Variants in ZNF142 observed in about 807,000 individuals in gnomAD.
ZNF142 encodes the protein zinc finger protein 142 (clone pHZ-49).
A neutral mutation model predicts 132.1 loss-of-function variants in ZNF142; 96 were observed. The observed-to-expected ratio is 0.73, with a 90% CI of 0.62 to 0.86. The LOEUF is 0.86. Among genes scored for constraint, ZNF142 ranks in the 40% least tolerant of loss-of-function variants. The probability of loss-of-function intolerance (pLI) is 0.00; values close to 1 mark genes in which losing one functional copy is unlikely to be tolerated. For missense variants in ZNF142, 2,163 were observed against 2,336.2 expected (o/e 0.93, Z 1.53); for synonymous variants, 842 against 890.1 (o/e 0.95, Z 0.96).
At chr2:218,657,955 C>T (rs1938707705) in intron 3 of ZNF142, among the ~76,000 whole-genome samples, 1 of 152,180 alleles carries the variant, frequency 6.6e-6, no homozygotes, top group South Asian at 2.1e-4. Flanking sequence ...TCGAAGATTC[C>T]AGTGAAGAAC....
intron 10 of ZNF142, among the ~76,000 whole-genome samples, chr2:218,640,076 A>AG: frequency 6.7e-6 from 1 of 150,210 alleles, no homozygotes; most frequent in East Asian, 1.9e-4. Flanking sequence ...AAAAAAAAAA[A>AG]AAAAAAAAAA....
chr2:218,634,158 G>T lies in ZNF142; in HGVS notation c.*4181C>A, dbSNP rs369726189. On this transcript the variant is annotated 3_prime_UTR_variant, in exon 11 of 11. Transcript: ENST00000411696. The surrounding 1 kb of genome is among the most constrained non-coding windows in gnomAD (Gnocchi z 4.0). Reference sequence around the variant, plus strand: ...GCAGTTAAGCCGTGTGTATCCCAGCGGCCTGAGGACAGACTCTTCCAACTA... The same window carrying T: ...GCAGTTAAGCCGTGTGTATCCCAGCTGCCTGAGGACAGACTCTTCCAACTA... 77 of 1,612,682 alleles carry T rather than the reference G, an allele frequency of 4.8e-5. No individual in the cohort carries two copies. The Middle Eastern group carries it at 2.0e-3, about 41-fold the overall frequency.
chr2:218,649,153 G>GTGTC lies in ZNF142; in HGVS notation c.1351_1354dup (p.Thr452ArgfsTer10), dbSNP rs747673247. ...CTCACGGCAGACAGGACAGGCATAG[G>GTGTC]TGTCTGAGTAGAAGTTGGAAATATC... is the stretch of plus-strand genomic sequence containing the variant. On this transcript the variant is annotated frameshift_variant, in exon 7 of 11. Transcript: ENST00000411696. LOFTEE classifies it high-confidence loss of function. 6.2e-7 allele frequency: 1 copy of GTGTC among 1,614,210 alleles called. No homozygotes were observed. The highest frequency in any genetic ancestry group is 8.5e-7 in the Non-Finnish European group (1 of 1,180,038).
rs2106306819 is a variant in ZNF142 at position 218,659,221 on chromosome 2, CCA to C, written c.-361-93_-361-92del. The C allele has an allele frequency of 6.6e-6, 1 of 152,524 alleles. No homozygotes were observed. Among genetic ancestry groups the C allele is most frequent in the Non-Finnish European group, 1.5e-5 (1 of 68,198 alleles). 9.4% of individuals were successfully genotyped at this position (152,524 alleles called of 1,614,324 possible). A position where few individuals can be genotyped will look rare whatever the true frequency, so the allele number is the denominator to read the frequency against. On this transcript the variant is annotated intron_variant, in intron 1 of 10. Coordinates refer to ENST00000411696, the MANE Select transcript of ZNF142 (RefSeq NM_001379659.1). The surrounding 1 kb of genome is among the most constrained non-coding windows in gnomAD (Gnocchi z 4.4). ...CGTGACGCGACTGCAGCGCCGGGGC[CCA>C]GCTCGTCTGGGTGCTCCCTTCAGTA...
intron 3 of ZNF142, 74 bp from the exon 4 acceptor site, chr2:218,656,537 A>G (rs1938522515): frequency 1.7e-6 from 2 of 1,156,988 alleles, no homozygotes; most frequent in African/African-American, 3.1e-5. Context: ...GTGGGTACAC[A>G]GCCCAGTGCC....
chr2:218,633,692 G>A lies in ZNF142; in HGVS notation c.*4647C>T. On this transcript the variant is annotated 3_prime_UTR_variant, in exon 11 of 11. Coordinates refer to ENST00000411696, the MANE Select transcript of ZNF142 (RefSeq NM_001379659.1). ...ATTCCGCAGCTTCACACATTCAAAG[G>A]AGCACTACCACTTCTACGAGATATC... 6.2e-7 allele frequency: 1 copy of A among 1,613,834 alleles called. No individual in the cohort carries two copies. Among genetic ancestry groups the A allele is most frequent in the Non-Finnish European group, 8.5e-7 (1 of 1,179,822 alleles).
At position 218,633,399 on chromosome 2, in the gene ZNF142, C is replaced by A. The variant is rs186247112; in HGVS notation, c.*4940G>T. The stretch of plus-strand genomic sequence containing the variant: ...TCCCACCCCCAGGTTGTGACGTGCC[C>A]GCTGTTTTGTCCGTCTATCTGTTGT... On this transcript the variant is annotated 3_prime_UTR_variant, in exon 11 of 11. Transcript: ENST00000411696. 1.4e-6 allele frequency: 1 copy of A among 716,876 alleles called. No homozygotes were observed. Among genetic ancestry groups the A allele is most frequent in the Non-Finnish European group, 2.5e-6 (1 of 397,052 alleles). The allele number at this position is 716,876 out of a possible 1,614,324, so 44.4% of individuals were successfully genotyped here.
Position 218,643,331 on chromosome 2 carries a change from G to A in ZNF142, c.3785C>T (p.Pro1262Leu). Reference protein sequence around the residue: ...GRGGGGKRGTPQTQPDVSPLS... With the variant: ...GRGGGGKRGTLQTQPDVSPLS... ...CGGGGACACATCAGGCTGGGTCTGG[G>A]GGGTCCCTCGTTTTCCTCCCCCGCC... Residue 1262 changes from proline (P) to leucine (L), a missense_variant, in exon 9 of 11, where the codon CCC becomes CTC. Physicochemically the swap from Pro to Leu is moderately conservative, Grantham distance 98. Coordinates refer to ENST00000411696, the MANE Select transcript of ZNF142 (RefSeq NM_001379659.1). The A allele has an allele frequency of 1.9e-6, 3 of 1,614,190 alleles. No individual in the cohort carries two copies. Among genetic ancestry groups the A allele is most frequent in the Non-Finnish European group, 2.5e-6 (3 of 1,180,024 alleles).
intron 8 of ZNF142, among the ~76,000 whole-genome samples, chr2:218,645,856 G>A (rs978895398): frequency 3.9e-5 from 6 of 152,086 alleles, no homozygotes; most frequent in Admixed American, 1.3e-4. Context: ...TCCACCCCCC[G>A]GCTCAAGCGA....
Position 218,650,525 on chromosome 2 carries a change from A to T in ZNF142, c.882T>A (p.Ala294=), listed in dbSNP as rs762217757. 4 of 1,570,204 alleles carry T rather than the reference A, an allele frequency of 2.5e-6. No homozygotes were observed. The East Asian group carries it at 9.0e-5, about 35-fold the overall frequency. ...QGLPSQELLP[A]PKLPPGEREP... ...CTCTCTCTCCTGGAGGCAGTTTGGG[A>T]GCTGGAGATACATAAAACTTGATAA... Residue 294 remains alanine, a splice_region_variant and synonymous_variant, in exon 6 of 11, where the codon GCT becomes GCA. Coordinates refer to ENST00000411696, the MANE Select transcript of ZNF142 (RefSeq NM_001379659.1).
rs558283846 is a variant in ZNF142, at chr2:218,640,571, G to T, written c.5194+93C>A. On this transcript the variant is annotated intron_variant, in intron 10 of 10. Coordinates refer to ENST00000411696, the MANE Select transcript of ZNF142 (RefSeq NM_001379659.1). Reference sequence around the variant, plus strand: ...TACTCCCAATGTGAAATTGATGTTGGCCCTGAATTGGAACAAGGACCAACC... The same window carrying T: ...TACTCCCAATGTGAAATTGATGTTGTCCCTGAATTGGAACAAGGACCAACC... 10 of 1,090,788 alleles carry T rather than the reference G, an allele frequency of 9.2e-6. No individual in the cohort carries two copies. The African/African-American group carries it at 1.5e-4, about 17-fold the overall frequency. 67.6% of individuals were successfully genotyped at this position (1,090,788 alleles called of 1,614,324 possible).
intron 3 of ZNF142, 147 bp from the exon 4 acceptor site, chr2:218,656,610 G>A (rs1024900931): frequency 4.6e-6 from 2 of 435,342 alleles, no homozygotes; most frequent in Non-Finnish European, 7.8e-6. Flanking sequence ...ACTAAATAGA[G>A]GCTTTCTTTT....
intron 4 of ZNF142, among the ~76,000 whole-genome samples, chr2:218,654,490 C>T (rs1221455742): frequency 6.6e-6 from 1 of 151,938 alleles, no homozygotes; most frequent in Non-Finnish European, 1.5e-5. Context: ...CCTCAGCCTC[C>T]TGAGTAGCTG....
rs775478121 is a variant in ZNF142, at chr2:218,642,419, C to T, written c.4697G>A (p.Arg1566Gln). 3.4e-5 allele frequency: 55 copies of T among 1,612,856 alleles called. No homozygotes were observed. The highest frequency in any genetic ancestry group is 1.5e-4 in the Admixed American group (9 of 60,000). Residue 1566 changes from arginine to glutamine, a missense_variant, in exon 9 of 11, where the codon CGA becomes CAA. By Grantham distance (43) the Arg-to-Gln change is conservative. Coordinates refer to ENST00000411696, the MANE Select transcript of ZNF142 (RefSeq NM_001379659.1). This position sits in a 1 kb window ranked among gnomAD's most constrained non-coding sequence, Gnocchi z 4.6. Reference sequence around the variant, plus strand: ...CCTCCGGTGCTCATCCAGAGCCAGTCGGCTAGGGAAGGCCTCCTGGCAGGC... The same window carrying T: ...CCTCCGGTGCTCATCCAGAGCCAGTTGGCTAGGGAAGGCCTCCTGGCAGGC... ...CGACQEAFPS[R>Q]LALDEHRRQQ...
rs1696675004 is a variant in ZNF142, at chr2:218,635,498, C to T, written c.*2841G>A. On this transcript the variant is annotated 3_prime_UTR_variant, in exon 11 of 11. Transcript: ENST00000411696. ...GGACTACAGGCGCCCGCCACCATGC[C>T]TGGCTAATTTTTGTATTTTTAGTAG... 6.6e-6 allele frequency among the ~76,000 whole-genome samples: 1 copy of T among 152,060 alleles called. No homozygotes were observed. The highest frequency in any genetic ancestry group is 2.4e-5 in the African/African-American group (1 of 41,402).
In ZNF142 at chr2:218,643,360, T is replaced by TCCC. The variant is rs751589999; in HGVS notation, c.3753_3755dup (p.Gly1252dup). 1 of 1,613,212 alleles carries TCCC rather than the reference T, an allele frequency of 6.2e-7. No individual in the cohort carries two copies. The highest frequency in any genetic ancestry group is 1.3e-5 in the African/African-American group (1 of 74,568). ...TCCCTCGTTTTCCTCCCCCGCCACG[T>TCCC]CCCCCCCTGCAGCCTTCAGCCACGT... On this transcript the variant is annotated inframe_insertion, in exon 9 of 11. Transcript: ENST00000411696.
At chr2:218,648,101 G>T (rs1365647398) in intron 7 of ZNF142, among the ~76,000 whole-genome samples, 2 of 151,548 alleles carry the variant, frequency 1.3e-5, no homozygotes, top group Non-Finnish European at 2.9e-5. Flanking sequence ...AGGAAGCTTG[G>T]TTTGGTTGTT....
chr2:218,647,848 AGAGTTT>A (rs1272102709), intron 7 of ZNF142, among the ~76,000 whole-genome samples: 1 of 152,220 alleles, frequency 6.6e-6, no homozygotes, highest in Non-Finnish European at 1.5e-5. Flanking sequence ...AGTAGGTCTC[AGAGTTT>A]GTCTCTTTTC....
rs1208820777 is a variant in ZNF142 at position 218,644,319 on chromosome 2, C to T, written c.2797G>A (p.Gly933Arg). 2 of 1,614,006 alleles carry T rather than the reference C, an allele frequency of 1.2e-6. No individual in the cohort carries two copies. Among genetic ancestry groups the T allele is most frequent in the African/African-American group, 1.3e-5 (1 of 74,904 alleles). ...FRPLGLEGPD[G>R]LEGPELSSFE... is the part of the protein sequence containing the mutation. ...CTAGATAGCTCTGGTCCTTCCAGTC[C>T]ATCTGGCCCTTCCAGTCCCAGGGGC... Residue 933 changes from glycine to arginine, a missense_variant, in exon 9 of 11, where the codon GGA becomes AGA. This residue lies in a region of ZNF142 where 749 missense variants were observed against 830.3 expected (regional missense o/e 0.90). Coordinates refer to ENST00000411696, the MANE Select transcript of ZNF142 (RefSeq NM_001379659.1). The surrounding 1 kb of genome is among the most constrained non-coding windows in gnomAD (Gnocchi z 4.6).
Sources: allele counts gnomAD v4.1 joint callset (sites outside exome capture counted in the v4.1 genomes callset), GRCh38; gene constraint gnomAD v4.1.1; regional missense constraint gnomAD v4.1.1; non-coding constraint Gnocchi (gnomAD v3.1); transcripts MANE v1.5; gene names NCBI Gene and HGNC (gene_info 2026-07-23, HGNC 2026-07-21).